Variants in LRRTM4 observed in about 807,000 individuals in gnomAD.
The protein encoded by LRRTM4 is leucine-rich repeat transmembrane neuronal protein 4.
LRRTM4 carries 25 observed loss-of-function variants against 47.6 expected under a neutral mutation model. The ratio of observed to expected loss-of-function variants is 0.53; its 90% CI spans 0.38 to 0.73. The LOEUF (loss-of-function observed/expected upper bound fraction) is 0.73. Among genes scored for constraint, LRRTM4 ranks in the 30% least tolerant of loss-of-function variants. LRRTM4 has a pLI of 0.00. For missense variants in LRRTM4, 638 were observed against 713.4 expected (o/e 0.89, Z 1.20); for synonymous variants, 311 against 269.5 (o/e 1.15, Z -1.51).
chr2:77,308,406 T>A (rs1434338804), intron 3 of LRRTM4, among the ~76,000 whole-genome samples: 2 of 152,094 alleles, frequency 1.3e-5, no homozygotes. Context: ...TTATAAACAA[T>A]CGACTAACAC....
In LRRTM4 at chr2:77,243,756, C is replaced by CTT. The variant is rs60554037; in HGVS notation, c.1551+274560_1551+274561dup. Among the ~76,000 whole-genome samples, 312 of 125,316 alleles carry CTT rather than the reference C, an allele frequency of 2.5e-3. 2 individuals are homozygous for CTT. The highest frequency in any genetic ancestry group is 8.9e-3 in the African/African-American group (289 of 32,332). 82.2% of individuals were successfully genotyped at this position (125,316 alleles called of 152,430 possible). On this transcript the variant is annotated intron_variant, in intron 3 of 3. Transcript: ENST00000409884. ...AAAAGGGATAATTGATACCATATCC[C>CTT]TTTTTTTTTCTTTTTCCTTTTTTTT...
At chr2:77,140,815 A>T (rs566072183) in intron 3 of LRRTM4, among the ~76,000 whole-genome samples, 1 of 152,234 alleles carries the variant, frequency 6.6e-6, no homozygotes, top group East Asian at 1.9e-4. Context: ...GGTGAAGGAT[A>T]TGAACAGATA....
intron 3 of LRRTM4, among the ~76,000 whole-genome samples, chr2:76,793,268 A>C (rs929995376): frequency 6.6e-6 from 1 of 152,090 alleles, no homozygotes; most frequent in African/African-American, 2.4e-5. Flanking sequence ...CCAGTATCAG[A>C]GTGTTTAGAT....
At chr2:77,292,411 G>C (rs1676850872) in intron 3 of LRRTM4, among the ~76,000 whole-genome samples, 1 of 151,574 alleles carries the variant, frequency 6.6e-6, no homozygotes, top group African/African-American at 2.4e-5. Context: ...TGTTTATTGT[G>C]GCACTATTCA....
chr2:76,968,723 G>A (rs1676121643), intron 3 of LRRTM4, among the ~76,000 whole-genome samples: 1 of 151,578 alleles, frequency 6.6e-6, no homozygotes, highest in African/African-American at 2.4e-5. Context: ...ACACTCTCCG[G>A]TAAGGATCCT....
intron 2 of LRRTM4, among the ~76,000 whole-genome samples, chr2:77,520,624 T>C (rs1679450032): frequency 6.6e-6 from 1 of 152,128 alleles, no homozygotes; most frequent in African/African-American, 2.4e-5. Context: ...ATTATTTGCC[T>C]AAAAAGCAAA....
intron 3 of LRRTM4, among the ~76,000 whole-genome samples, chr2:76,915,422 A>G (rs369854873): frequency 3.9e-4 from 60 of 152,200 alleles, no homozygotes; most frequent in African/African-American, 1.3e-3. Context: ...ACTTTTAGTA[A>G]TAGGCAAAGA....
At chr2:77,055,951 A>G (rs1412621932) in intron 3 of LRRTM4, among the ~76,000 whole-genome samples, 1 of 149,892 alleles carries the variant, frequency 6.7e-6, no homozygotes, top group African/African-American at 2.5e-5. Context: ...CAAAAAACCA[A>G]ACACCGCATA....
chr2:76,917,919 T>A (rs569786547), intron 3 of LRRTM4, among the ~76,000 whole-genome samples: 1 of 152,130 alleles, frequency 6.6e-6, no homozygotes, highest in Non-Finnish European at 1.5e-5. Flanking sequence ...TTTATAGTGG[T>A]ATGGGTATGC....
chr2:77,307,377 C>T (rs1677310606), intron 3 of LRRTM4, among the ~76,000 whole-genome samples: 1 of 151,120 alleles, frequency 6.6e-6, no homozygotes, highest in Admixed American at 6.6e-5. Context: ...GGAATTCACA[C>T]ATTCATTAAG....
intron 3 of LRRTM4, among the ~76,000 whole-genome samples, chr2:76,782,667 A>G (rs979862409): frequency 3.3e-5 from 5 of 152,092 alleles, no homozygotes; most frequent in African/African-American, 1.2e-4. Flanking sequence ...GATACCTGTT[A>G]ACTTTTTCTG....
At chr2:76,943,482 A>G (rs1675220605) in intron 3 of LRRTM4, among the ~76,000 whole-genome samples, 1 of 152,192 alleles carries the variant, frequency 6.6e-6, no homozygotes, top group South Asian at 2.1e-4. Flanking sequence ...GATGATTAAT[A>G]TGCAGACATG....
At chr2:77,013,382 T>C (rs1050455329) in intron 3 of LRRTM4, among the ~76,000 whole-genome samples, 1 of 152,152 alleles carries the variant, frequency 6.6e-6, no homozygotes, top group South Asian at 2.1e-4. Context: ...TGGATATTAC[T>C]GTGGAGCAAC....
intron 3 of LRRTM4, among the ~76,000 whole-genome samples, chr2:76,864,909 AT>A (rs972482912): frequency 7.3e-6 from 1 of 137,012 alleles, no homozygotes; most frequent in Non-Finnish European, 1.6e-5. Flanking sequence ...TTTTTTTTTA[AT>A]TTTTTTTATA....
At chr2:77,336,204 GAAGGAAGGAAGGGAGAAAGGAAAGA>G (rs1356768548) in intron 3 of LRRTM4, among the ~76,000 whole-genome samples, 3 of 145,044 alleles carry the variant, frequency 2.1e-5, no homozygotes, top group African/African-American at 7.7e-5. Flanking sequence ...AGGAAGGAAA[GAAGGAAGGAAGGGAGAAAGGAAAGA>G]AAGGAAGGAA....
intron 3 of LRRTM4, among the ~76,000 whole-genome samples, chr2:77,048,547 C>T (rs1679308083): frequency 6.6e-6 from 1 of 151,838 alleles, no homozygotes; most frequent in African/African-American, 2.4e-5. Flanking sequence ...AATAAAAATT[C>T]TATTGACTTG....
At chr2:76,821,086 G>A (rs1291812290) in intron 3 of LRRTM4, among the ~76,000 whole-genome samples, 1 of 151,660 alleles carries the variant, frequency 6.6e-6, no homozygotes, top group Non-Finnish European at 1.5e-5. Context: ...AGAAGACACT[G>A]ATGAACACAA....
intron 3 of LRRTM4, among the ~76,000 whole-genome samples, chr2:77,435,019 T>TCTCAATTGTTTGTC (rs1377388885): frequency 6.6e-6 from 1 of 152,034 alleles, no homozygotes; most frequent in Non-Finnish European, 1.5e-5. Context: ...AATTTTTTGT[T>TCTCAATTGTTTGTC]CTCAATTGTT....
intron 3 of LRRTM4, among the ~76,000 whole-genome samples, chr2:76,853,616 T>G (rs1410724340): frequency 2.6e-5 from 4 of 152,012 alleles, no homozygotes; most frequent in African/African-American, 9.7e-5. Context: ...ATAGGCTAAA[T>G]GGCAAATCTG....
Sources: gnomAD v4.1 joint callset for allele counts (sites outside exome capture counted in the v4.1 genomes callset) on GRCh38, gnomAD v4.1.1 for gene constraint, MANE v1.5 for transcripts, NCBI Gene and HGNC (gene_info 2026-07-23, HGNC 2026-07-21) for gene names.